RPS6: variants seen among roughly 807,000 people sequenced by gnomAD.
RPS6 encodes the protein small ribosomal subunit protein eS6.
Under a neutral mutation model 27.1 loss-of-function variants are expected in RPS6, and 1 was observed. The ratio of observed to expected loss-of-function variants is 0.04; its 90% CI spans 0.01 to 0.18. The LOEUF (loss-of-function observed/expected upper bound fraction) is 0.18. Ranked by LOEUF, RPS6 falls within the 10% of genes least tolerant of loss-of-function variation. The pLI is 1.00. For synonymous variants in RPS6, 152 were observed against 106.0 expected (o/e 1.43, Z -2.66); for missense variants, 259 against 319.1 (o/e 0.81, Z 1.44).
rs768263119 is a variant in RPS6, at chr9:19,378,469, C to T, written c.395G>A (p.Arg132His). The change falls in exon 4 of 6, where the codon CGC becomes CAC. Residue 132 changes from arginine to histidine, a missense_variant. Arg to His is a conservative substitution (Grantham distance 29, BLOSUM62 0). Around this residue, in one of 3 missense-constraint regions of RPS6, gnomAD observed 191 missense variants for 231.6 expected, o/e 0.82. Transcript: ENST00000380394. ...TCTGCTAGCTCTTTTGGGGCCCAGG[C>T]GGCGAGGCACTGTAGTATCAGTCAG... ...PGLTDTTVPRRLGPKRASRIR... is the reference protein window; with the variant it reads ...PGLTDTTVPRHLGPKRASRIR... The T allele has an allele frequency of 6.8e-6, 11 of 1,613,974 alleles. No individual in the cohort carries two copies. Among genetic ancestry groups the T allele is most frequent in the East Asian group, 4.5e-5 (2 of 44,894 alleles).
intron 1 of RPS6, 28 bp downstream of exon 1, chr9:19,380,162 C>G (rs1211628739): frequency 3.1e-6 from 5 of 1,613,658 alleles, no homozygotes; most frequent in African/African-American, 1.3e-5. Context: ...TCCCCAAACC[C>G]AGTCTAACAC....
chr9:19,376,723 G>A (rs1419012381), intron 4 of RPS6, 72 bp from the exon 5 acceptor site: 3 of 1,443,896 alleles, frequency 2.1e-6, no homozygotes, highest in Non-Finnish European at 1.9e-6. Flanking sequence ...AAAAACATCA[G>A]AAATAAACGT....
intron 4 of RPS6, among the ~76,000 whole-genome samples, chr9:19,378,014 A>G (rs1829618037): frequency 6.6e-6 from 1 of 152,224 alleles, no homozygotes; most frequent in South Asian, 2.1e-4. Context: ...AATTTAGAAC[A>G]TCTGATATAA....
chr9:19,378,122 A>T (rs1396612012), intron 4 of RPS6, among the ~76,000 whole-genome samples: 1 of 152,230 alleles, frequency 6.6e-6, no homozygotes, highest in African/African-American at 2.4e-5. Flanking sequence ...TTTTTGGATA[A>T]TGTATACATC....
In RPS6 at chr9:19,376,134, C is replaced by G; in HGVS notation, c.*159G>C. ...TGACCTTGTCTTCCACTACCACACA[C>G]AATAGGTCTGACTTTATCCACCATT... On this transcript the variant is annotated 3_prime_UTR_variant, in exon 6 of 6. Transcript: ENST00000380394. 1.5e-6 allele frequency: 1 copy of G among 651,112 alleles called. No individual in the cohort carries two copies. 40.3% of individuals were successfully genotyped at this position (651,112 alleles called of 1,614,324 possible).
At chr9:19,379,788 G>A (rs530252736) in intron 1 of RPS6, 170 bp from the exon 2 acceptor site, 1 of 1,450,276 alleles carries the variant, frequency 6.9e-7, no homozygotes, top group Non-Finnish European at 9.0e-7. Flanking sequence ...CAGAGTAGCA[G>A]TCAAGAAGCG....
intron 2 of RPS6, 142 bp from the exon 3 acceptor site, chr9:19,379,060 T>A: frequency 1.1e-6 from 1 of 903,176 alleles, no homozygotes; most frequent in Non-Finnish European, 1.6e-6. Context: ...TTTTCTCTGT[T>A]CAGTGAGTTT....
chr9:19,376,850 AAT>A, intron 4 of RPS6, 199 bp from the exon 5 acceptor site: 1 of 472,698 alleles, frequency 2.1e-6, no homozygotes, highest in Non-Finnish European at 3.6e-6. Flanking sequence ...ATATTATAAA[AAT>A]ATAAGGGAAA....
Position 19,376,568 on chromosome 9 carries a change from G to C in RPS6, c.580C>G (p.Leu194Val), listed in dbSNP as rs1394552422. Residue 194 changes from leucine to valine, a missense_variant, in exon 5 of 6, where the codon CTG (leucine) becomes GTG (valine). Leu to Val is a conservative substitution (Grantham distance 32). Coordinates refer to ENST00000380394, the MANE Select transcript of RPS6 (RefSeq NM_001010.3). ...VLQHKRRRIA[L>V]KKQRTKKNKE... ...TTTTTCTTGGTACGCTGCTTCTTCA[G>C]AGCAATACGCCGCCGTTTGTGCTGC... 1 of 1,614,094 alleles carries C rather than the reference G, an allele frequency of 6.2e-7. No individual in the cohort carries two copies. The highest frequency in any genetic ancestry group is 2.2e-5 in the East Asian group (1 of 44,880).
In RPS6 at chr9:19,375,808, AATTTGAAATGGCTTAAAAACCATTT is replaced by A. The variant is rs1258467397; in HGVS notation, c.*460_*484del. On this transcript the variant is annotated 3_prime_UTR_variant, in exon 6 of 6. Transcript: ENST00000380394. ...GGAGTTGAAAAGCTTTGTTAAAACA[AATTTGAAATGGCTTAAAAACCATTT>A]AGTGGATGGTATCCACTAAAACTAG... 1 of 152,626 alleles carries A rather than the reference AATTTGAAATGGCTTAAAAACCATTT, an allele frequency of 6.6e-6. No homozygotes were observed. Among genetic ancestry groups the A allele is most frequent in the Non-Finnish European group, 1.5e-5 (1 of 68,356 alleles). 9.5% of individuals were successfully genotyped at this position (152,626 alleles called of 1,614,324 possible). A position where few individuals can be genotyped will look rare whatever the true frequency, so the allele number is the denominator to read the frequency against.
At chr9:19,379,235 C>G in intron 2 of RPS6, 1 of 1,324,594 alleles carries the variant, frequency 7.5e-7, no homozygotes, top group Non-Finnish European at 1.0e-6. Context: ...ATGAGGACAG[C>G]TATGTGACAT....
At position 19,380,232 on chromosome 9, in the gene RPS6, A is replaced by G. The variant is rs1563859087; in HGVS notation, c.-37T>C. The G allele has an allele frequency of 6.2e-7, 1 of 1,610,184 alleles. No homozygotes were observed. The highest frequency in any genetic ancestry group is 2.2e-5 in the East Asian group (1 of 44,842). On this transcript the variant is annotated 5_prime_UTR_variant, in exon 1 of 6. Transcript: ENST00000380394. ...TGAACGCCTCCGAGGCGCCACGGAA[A>G]AGAGGGCCAACTTCCGCTTAGCGCA...
rs1829595206 is a variant in RPS6 at position 19,376,765 on chromosome 9, G to A, written c.497-114C>T. On this transcript the variant is annotated intron_variant, in intron 4 of 5. Coordinates refer to ENST00000380394, the MANE Select transcript of RPS6 (RefSeq NM_001010.3). ...AACAGCATCTATGAAAACCTATAAT[G>A]AGGCCTTTAAAATCAAATCAGAACT... is the stretch of plus-strand genomic sequence containing the variant. 7.0e-6 allele frequency: 7 copies of A among 997,010 alleles called. No individual in the cohort carries two copies. The South Asian group carries it at 1.1e-4, about 16-fold the overall frequency. The allele number at this position is 997,010 out of a possible 1,614,324, so 61.8% of individuals were successfully genotyped here. A position where few individuals can be genotyped will look rare whatever the true frequency, so the allele number is the denominator to read the frequency against.
chr9:19,379,817 T>G lies in RPS6; in HGVS notation c.7-199A>C, dbSNP rs1341734732. The G allele has an allele frequency of 3.8e-5, 54 of 1,428,166 alleles. No homozygotes were observed. In the Middle Eastern group the frequency reaches 1.5e-3, roughly 40 times the overall value. 88.5% of individuals were successfully genotyped at this position (1,428,166 alleles called of 1,614,324 possible). A position where few individuals can be genotyped will look rare whatever the true frequency, so the allele number is the denominator to read the frequency against. On this transcript the variant is annotated intron_variant, in intron 1 of 5. Transcript: ENST00000380394. ...AGAAGCGCCGCACTCAGCAGGACGTTTTCCCCTCAAGCCCCGCGGAATGAC... is the reference window on the plus strand; with the variant it reads ...AGAAGCGCCGCACTCAGCAGGACGTGTTCCCCTCAAGCCCCGCGGAATGAC...
Position 19,375,842 on chromosome 9 carries a change from G to T in RPS6, c.*451C>A, listed in dbSNP as rs1054880829. 1 of 113,780 alleles carries T rather than the reference G, an allele frequency of 8.8e-6. No homozygotes were observed. Among genetic ancestry groups the T allele is most frequent in the Admixed American group, 8.4e-5 (1 of 11,890 alleles). 7.0% of individuals were successfully genotyped at this position (113,780 alleles called of 1,614,324 possible). On this transcript the variant is annotated 3_prime_UTR_variant, in exon 6 of 6. Coordinates refer to ENST00000380394, the MANE Select transcript of RPS6 (RefSeq NM_001010.3). ...TGGCTTAAAAACCATTTAGTGGATGGTATCCACTAAAACTAGGTATCCACT... is the reference window on the plus strand; with the variant it reads ...TGGCTTAAAAACCATTTAGTGGATGTTATCCACTAAAACTAGGTATCCACT...
In RPS6 at chr9:19,379,507, C is replaced by G. The variant is rs138981947; in HGVS notation, c.118G>C (p.Ala40Pro). 1 of 1,614,142 alleles carries G rather than the reference C, an allele frequency of 6.2e-7. No homozygotes were observed. Among genetic ancestry groups the G allele is most frequent in the Non-Finnish European group, 8.5e-7 (1 of 1,180,026 alleles). The change falls in exon 2 of 6, where the codon GCT becomes CCT. Residue 40 changes from alanine to proline, a missense_variant. Ala to Pro is a conservative substitution (Grantham distance 27). Coordinates refer to ENST00000380394, the MANE Select transcript of RPS6 (RefSeq NM_001010.3). Reference protein sequence around the residue: ...KRMATEVAADALGEEWKGYVV... With the variant: ...KRMATEVAADPLGEEWKGYVV... ...TTTACCTTCCATTCTTCACCCAGAG[C>G]GTCAGCAGCAACTTCTGTGGCCATA...
rs567486924 is a variant in RPS6 at position 19,379,326 on chromosome 9, C to A, written c.138+161G>T. The A allele has an allele frequency of 1.2e-3, 1,753 of 1,512,802 alleles. 4 individuals carry two copies. Among genetic ancestry groups the A allele is most frequent in the Non-Finnish European group, 1.4e-3 (1,538 of 1,128,352 alleles). 93.7% of individuals were successfully genotyped at this position (1,512,802 alleles called of 1,614,324 possible). On this transcript the variant is annotated intron_variant, in intron 2 of 5. Transcript: ENST00000380394. ...TTTTATGGCTTACTCTACGTCCCCCCCTCCAAGGTAATACCTCTAACTTTA... is the reference window on the plus strand; with the variant it reads ...TTTTATGGCTTACTCTACGTCCCCCACTCCAAGGTAATACCTCTAACTTTA...
chr9:19,376,325 A>C lies in RPS6; in HGVS notation c.718T>G (p.Ser240Ala). Residue 240 changes from serine (S) to alanine (A), a missense_variant, in exon 6 of 6, where the codon TCT becomes GCT. Ser to Ala is a moderately conservative substitution (Grantham distance 99, BLOSUM62 1). Transcript: ENST00000380394. ...KRRRLSSLRA[S>A]TSKSESSQK ...TGACTGGATTCAGACTTAGAAGTAG[A>C]AGCTCGCAGAGAGGAAAGTCTGCGT... 6.2e-7 allele frequency: 1 copy of C among 1,614,042 alleles called. No homozygotes were observed. Among genetic ancestry groups the C allele is most frequent in the South Asian group, 1.1e-5 (1 of 91,072 alleles).
chr9:19,380,200 A>T lies in RPS6; in HGVS notation c.-5T>A. The T allele has an allele frequency of 6.2e-7, 1 of 1,613,358 alleles. No individual in the cohort carries two copies. The highest frequency in any genetic ancestry group is 8.5e-7 in the Non-Finnish European group (1 of 1,179,316). On this transcript the variant is annotated 5_prime_UTR_variant, in exon 1 of 6. Transcript: ENST00000380394. ...GCCACCATCACCTACCTTCATCTTGAAGCAGCTGAACGCCTCCGAGGCGCC... is the reference window on the plus strand; with the variant it reads ...GCCACCATCACCTACCTTCATCTTGTAGCAGCTGAACGCCTCCGAGGCGCC...
Sources: allele counts gnomAD v4.1 joint callset (sites outside exome capture counted in the v4.1 genomes callset), GRCh38; gene constraint gnomAD v4.1.1; regional missense constraint gnomAD v4.1.1; transcripts MANE v1.5; gene names NCBI Gene and HGNC (gene_info 2026-07-23, HGNC 2026-07-21).